Variants in STK17B observed in about 807,000 individuals in gnomAD.
STK17B encodes serine/threonine kinase 17b.
A neutral mutation model predicts 42.0 loss-of-function variants in STK17B; 21 were observed. That is an observed-to-expected ratio of 0.50 (90% confidence interval 0.35 to 0.72). The LOEUF is 0.72. STK17B is among the 30% of genes least tolerant of loss of function. The probability of loss-of-function intolerance (pLI) is 0.00; values close to 1 mark genes in which losing one functional copy is unlikely to be tolerated. For missense variants in STK17B, 349 were observed against 446.0 expected, an observed-to-expected ratio of 0.78 and a Z score of 1.96; for synonymous variants, 143 against 148.4, an observed-to-expected ratio of 0.96 and a Z score of 0.26.
intron 5 of STK17B, among the ~76,000 whole-genome samples, chr2:196,141,656 C>A (rs891626359): frequency 6.6e-6 from 1 of 151,870 alleles, no homozygotes; most frequent in East Asian, 1.9e-4. Context: ...GACTCTGTCT[C>A]GGAAAAAATA....
intron 5 of STK17B, among the ~76,000 whole-genome samples, chr2:196,142,308 T>C (rs1046963487): frequency 2.6e-5 from 4 of 152,170 alleles, no homozygotes; most frequent in Non-Finnish European, 5.9e-5. Context: ...TCCACTCGCC[T>C]TGGCCTCCCA....
chr2:196,145,861 A>G (rs749111148), intron 4 of STK17B, 50 bp downstream of exon 4: 3 of 1,506,856 alleles, frequency 2.0e-6, no homozygotes, highest in East Asian at 4.7e-5. Context: ...GCATACTAAG[A>G]GCAGAAGAAG....
chr2:196,164,225 T>A (rs1235083692), intron 1 of STK17B, among the ~76,000 whole-genome samples: 2 of 152,174 alleles, frequency 1.3e-5, no homozygotes, highest in Non-Finnish European at 2.9e-5. Flanking sequence ...GAAATAGAAC[T>A]TCTTCCACGG....
At chr2:196,141,859 A>AT (rs1699498375) in intron 5 of STK17B, among the ~76,000 whole-genome samples, 1 of 152,148 alleles carries the variant, frequency 6.6e-6, no homozygotes, top group Non-Finnish European at 1.5e-5. Flanking sequence ...AGTTAAACTC[A>AT]TTTAGGTTAA....
chr2:196,158,223 T>C (rs1699764056), intron 2 of STK17B, among the ~76,000 whole-genome samples: 1 of 152,070 alleles, frequency 6.6e-6, no homozygotes, highest in Non-Finnish European at 1.5e-5. Flanking sequence ...GGGTGGAAAC[T>C]GGGGGACTAC....
At chr2:196,147,574 T>G (rs182795297) in intron 3 of STK17B, among the ~76,000 whole-genome samples, 1 of 152,130 alleles carries the variant, frequency 6.6e-6, no homozygotes, top group African/African-American at 2.4e-5. Context: ...GTAAGCCAGT[T>G]AGAAGCCGCA....
chr2:196,161,369 A>G (rs953503181), intron 2 of STK17B, among the ~76,000 whole-genome samples: 51 of 152,100 alleles, frequency 3.4e-4, no homozygotes, highest in Non-Finnish European at 1.2e-4. Context: ...TTTCTTAAAA[A>G]CATTTTAAAA....
At chr2:196,156,264 G>A (rs1273681457) in intron 3 of STK17B, 175 bp downstream of exon 3, 1 of 557,560 alleles carries the variant, frequency 1.8e-6, no homozygotes. Context: ...TTGTGTATGT[G>A]CCCGAGGCTA....
chr2:196,144,031 T>A (rs1047521665), intron 4 of STK17B, among the ~76,000 whole-genome samples: 2 of 151,968 alleles, frequency 1.3e-5, no homozygotes, highest in Non-Finnish European at 2.9e-5. Context: ...TAAAAGAGTA[T>A]GCTGGTTAGA....
At chr2:196,174,200 G>C (rs1440915487), upstream of STK17B, 1 of 152,162 alleles carries the variant, frequency 6.6e-6, no homozygotes, top group Non-Finnish European at 1.5e-5. Context: ...CTCCAGGTTA[G>C]TAATCACACA....
rs1699387032 is a variant in STK17B at position 196,135,572 on chromosome 2, G to GT, written c.*1874dup. 6.6e-6 allele frequency: 1 copy of GT among 152,218 alleles called. No individual in the cohort carries two copies. The highest frequency in any genetic ancestry group is 6.5e-5 in the Admixed American group (1 of 15,290). The allele number at this position is 152,218 out of a possible 1,614,324, so 9.4% of individuals were successfully genotyped here. A position where few individuals can be genotyped will look rare whatever the true frequency, so the allele number is the denominator to read the frequency against. On this transcript the variant is annotated 3_prime_UTR_variant, in exon 8 of 8. Transcript: ENST00000263955. ...GCGGGTGGATCACTTGAAGTCAGGA[G>GT]TTTGTGACCAGCCTGGCCAACATGG...
At chr2:196,140,049 G>A (rs910428720) in intron 6 of STK17B, among the ~76,000 whole-genome samples, 10 of 152,126 alleles carry the variant, frequency 6.6e-5, no homozygotes, top group Non-Finnish European at 1.3e-4. Context: ...TATTGCTACC[G>A]TCTATCCTTC....
chr2:196,137,418 T>C lies in STK17B; in HGVS notation c.*29A>G, dbSNP rs746819418. 1.3e-6 allele frequency: 2 copies of C among 1,594,408 alleles called. No individual in the cohort carries two copies. Among genetic ancestry groups the C allele is most frequent in the African/African-American group, 2.7e-5 (2 of 73,936 alleles). On this transcript the variant is annotated 3_prime_UTR_variant, in exon 8 of 8. Transcript: ENST00000263955. ...CTGGAGTGGATATAAAATTTCAAATTCAGTCCAAATGAGTCAAAGAAAAAA... is the reference window on the plus strand; with the variant it reads ...CTGGAGTGGATATAAAATTTCAAATCCAGTCCAAATGAGTCAAAGAAAAAA...
intron 1 of STK17B, among the ~76,000 whole-genome samples, chr2:196,167,706 A>G (rs767964312): frequency 6.6e-6 from 1 of 152,240 alleles, no homozygotes; most frequent in Non-Finnish European, 1.5e-5. Flanking sequence ...TAATACAAAT[A>G]CCTACTGCAG....
At position 196,133,912 on chromosome 2, in the gene STK17B, TC is replaced by T. The variant is rs1559405407; in HGVS notation, c.*3534del. The T allele has an allele frequency of 6.6e-6, 1 of 152,020 alleles. No homozygotes were observed. Among genetic ancestry groups the T allele is most frequent in the South Asian group, 2.1e-4 (1 of 4,828 alleles). The allele number at this position is 152,020 out of a possible 1,614,324, so 9.4% of individuals were successfully genotyped here. ...TTATAAAATTATAAATTGATAATAA[TC>T]CCCCCAAACTGAAGTGAAATACTTT... On this transcript the variant is annotated 3_prime_UTR_variant, in exon 8 of 8. Transcript: ENST00000263955.
intron 1 of STK17B, chr2:196,165,768 C>T (rs1699867988): frequency 6.6e-6 from 1 of 152,216 alleles, no homozygotes; most frequent in Non-Finnish European, 1.5e-5. Flanking sequence ...ATGCTGAACT[C>T]ATGTCCACTG....
At chr2:196,156,274 A>C in intron 3 of STK17B, 165 bp downstream of exon 3, 1 of 604,794 alleles carries the variant, frequency 1.7e-6, no homozygotes. Flanking sequence ...GCCCGAGGCT[A>C]TACATTTAGT....
intron 1 of STK17B, chr2:196,165,843 T>C (rs1254416652): frequency 1.3e-5 from 2 of 152,264 alleles, no homozygotes; most frequent in Admixed American, 6.5e-5. Context: ...ATTAACATTC[T>C]ACCCAAAAAT....
intron 5 of STK17B, among the ~76,000 whole-genome samples, chr2:196,142,071 T>C (rs1699502305): frequency 6.6e-6 from 1 of 152,216 alleles, no homozygotes; most frequent in African/African-American, 2.4e-5. Context: ...TTTTCTTTTT[T>C]CTGACGGAGT....
Sources: allele counts gnomAD v4.1 joint callset (sites outside exome capture counted in the v4.1 genomes callset), GRCh38; gene constraint gnomAD v4.1.1; transcripts MANE v1.5; gene names NCBI Gene and HGNC (gene_info 2026-07-23, HGNC 2026-07-21).